HCN1: variants seen among roughly 807,000 people sequenced by gnomAD.
HCN1 encodes hyperpolarization activated cyclic nucleotide gated potassium channel 1, also known as potassium/sodium hyperpolarization-activated cyclic nucleotide-gated channel 1.
Under a neutral mutation model 78.9 loss-of-function variants are expected in HCN1, and 13 were observed. That is an observed-to-expected ratio of 0.16 (90% CI 0.11 to 0.26). The LOEUF (loss-of-function observed/expected upper bound fraction) is 0.26. Ranked by LOEUF, HCN1 falls within the 10% of genes least tolerant of loss-of-function variation. The pLI is 1.00. For missense variants in HCN1, 810 were observed against 1,154.3 expected, an observed-to-expected ratio of 0.70 and a Z score of 4.32; for synonymous variants, 552 against 455.5, an observed-to-expected ratio of 1.21 and a Z score of -2.70.
chr5:45,469,677 G>A (rs905539399), intron 2 of HCN1, among the ~76,000 whole-genome samples: 2 of 151,738 alleles, frequency 1.3e-5, no homozygotes, highest in Non-Finnish European at 2.9e-5. Context: ...AATTTATCCT[G>A]AGAATTCAAA....
intron 1 of HCN1, among the ~76,000 whole-genome samples, chr5:45,676,541 G>T (rs923173849): frequency 4.6e-5 from 7 of 151,710 alleles, no homozygotes; most frequent in Admixed American, 4.0e-4. Context: ...AGGCCATTCA[G>T]ATAAATGATA....
At chr5:45,678,972 G>C (rs1329641116) in intron 1 of HCN1, among the ~76,000 whole-genome samples, 1 of 151,842 alleles carries the variant, frequency 6.6e-6, no homozygotes, top group Non-Finnish European at 1.5e-5. Context: ...GACTAAAAAG[G>C]CACCATTTCC....
At position 45,293,587 on chromosome 5, in the gene HCN1, C is replaced by A. The variant is rs551022065; in HGVS notation, c.1618+10012G>T. Among the ~76,000 whole-genome samples the A allele has an allele frequency of 2.0e-5, 3 of 152,104 alleles. No homozygotes were observed. The South Asian group carries it at 6.2e-4, about 32-fold the overall frequency. On this transcript the variant is annotated intron_variant, in intron 6 of 7. Coordinates refer to ENST00000303230, the MANE Select transcript of HCN1 (RefSeq NM_021072.4). ...GGAGGACCCAGGATTGTAATATGAA[C>A]TTTTTAGGTTTCTCCTTCTTCCCCT...
chr5:45,543,445 AG>A (rs1743144042), intron 2 of HCN1, among the ~76,000 whole-genome samples: 1 of 152,094 alleles, frequency 6.6e-6, no homozygotes, highest in Admixed American at 6.6e-5. Context: ...TTCTGTTACA[AG>A]ATTTTATCTT....
In HCN1 at chr5:45,275,361, T is replaced by C. The variant is rs116655425; in HGVS notation, c.1619-8108A>G. Among the ~76,000 whole-genome samples the C allele has an allele frequency of 5.3e-3, 809 of 152,234 alleles. 3 individuals are homozygous for C. Among genetic ancestry groups the C allele is most frequent in the African/African-American group, 0.018 (767 of 41,546 alleles). On this transcript the variant is annotated intron_variant, in intron 6 of 7. Coordinates refer to ENST00000303230, the MANE Select transcript of HCN1 (RefSeq NM_021072.4). ...TCACATTTGAATACAATATACCAAA[T>C]AGGCAAATCTTTTTGTGAAGCTTTG...
rs1372912309 is a variant in HCN1 at position 45,254,969 on chromosome 5, T to G, written c.*6952A>C. 6.6e-6 allele frequency: 1 copy of G among 152,276 alleles called. No individual in the cohort carries two copies. The allele number at this position is 152,276 out of a possible 1,614,324, so 9.4% of individuals were successfully genotyped here. ...AAAATATTGACCACATTCATTTATT[T>G]TTATAATGTCAATGTATTATTGATA... On this transcript the variant is annotated 3_prime_UTR_variant, in exon 8 of 8. Coordinates refer to ENST00000303230, the MANE Select transcript of HCN1 (RefSeq NM_021072.4).
intron 3 of HCN1, among the ~76,000 whole-genome samples, chr5:45,398,348 C>T (rs1483813967): frequency 6.6e-6 from 1 of 152,038 alleles, no homozygotes; most frequent in Non-Finnish European, 1.5e-5. Context: ...ATGCTGCAAA[C>T]TATAGAATAG....
At chr5:45,675,548 C>A (rs1320611944) in intron 1 of HCN1, among the ~76,000 whole-genome samples, 2 of 151,884 alleles carry the variant, frequency 1.3e-5, no homozygotes, top group Non-Finnish European at 2.9e-5. Flanking sequence ...CCAAAGATAG[C>A]AAGACAAATT....
intron 2 of HCN1, among the ~76,000 whole-genome samples, chr5:45,579,778 AAG>A (rs755296061): frequency 6.6e-6 from 1 of 152,122 alleles, no homozygotes; most frequent in Non-Finnish European, 1.5e-5. Context: ...TCTATATAAA[AAG>A]AGAGAAAAAG....
At chr5:45,627,405 T>A (rs1450003707) in intron 2 of HCN1, among the ~76,000 whole-genome samples, 1 of 152,150 alleles carries the variant, frequency 6.6e-6, no homozygotes, top group Non-Finnish European at 1.5e-5. Context: ...TTCTCCCTCA[T>A]CCTCATTATG....
rs1173788110 is a variant in HCN1, at chr5:45,262,593, C to A, written c.2001G>T (p.Val667=). The part of the protein sequence containing the change: ...TSRMRTQSPP[V]YTATSLSHSN... ...TGTGAGACAGGCTGGTCGCTGTGTA[C>A]ACCGGTGGAGATTGTGTCCTCATGC... The change falls in exon 8 of 8, where the codon GTG becomes GTT. Residue 667 remains valine, a synonymous_variant. Coordinates refer to ENST00000303230, the MANE Select transcript of HCN1 (RefSeq NM_021072.4). The A allele has an allele frequency of 6.2e-7, 1 of 1,613,804 alleles. No individual in the cohort carries two copies. Among genetic ancestry groups the A allele is most frequent in the African/African-American group, 1.3e-5 (1 of 74,840 alleles).
chr5:45,265,071 T>TC (rs1327375031), intron 7 of HCN1, among the ~76,000 whole-genome samples: 2 of 151,848 alleles, frequency 1.3e-5, no homozygotes, highest in Non-Finnish European at 2.9e-5. Context: ...ACACCTGCAG[T>TC]CCCAGCTACT....
chr5:45,372,181 A>T (rs368156883), intron 4 of HCN1, among the ~76,000 whole-genome samples: 15,669 of 67,672 alleles, frequency 0.23, 2,718 homozygotes, highest in African/African-American at 0.51. Flanking sequence ...TTATATTATA[A>T]TATAATACAA....
At chr5:45,676,760 A>C (rs921701193) in intron 1 of HCN1, among the ~76,000 whole-genome samples, 3 of 151,860 alleles carry the variant, frequency 2.0e-5, no homozygotes, top group East Asian at 3.9e-4. Context: ...GGGAAATCTT[A>C]ACCTTGAATG....
intron 5 of HCN1, among the ~76,000 whole-genome samples, chr5:45,346,801 G>A (rs996102891): frequency 6.6e-6 from 1 of 152,200 alleles, no homozygotes; most frequent in Non-Finnish European, 1.5e-5. Context: ...AGGCAGCAGC[G>A]AGGCTGCGGG....
At chr5:45,288,375 AT>A (rs1745308370) in intron 6 of HCN1, among the ~76,000 whole-genome samples, 1 of 152,026 alleles carries the variant, frequency 6.6e-6, no homozygotes, top group Admixed American at 6.6e-5. Context: ...GCAAGAAGAC[AT>A]TTTGGATGTT....
rs1268173412 is a variant in HCN1, at chr5:45,373,277, T to A, written c.1231-20031A>T. Among the ~76,000 whole-genome samples, 597 of 114,404 alleles carry A rather than the reference T, an allele frequency of 5.2e-3. 7 individuals are homozygous for A. The highest frequency in any genetic ancestry group is 0.02 in the African/African-American group (551 of 27,604). The allele number at this position is 114,404 out of a possible 152,430, so 75.1% of individuals were successfully genotyped here. A position where few individuals can be genotyped will look rare whatever the true frequency, so the allele number is the denominator to read the frequency against. ...TTTTATATTATATATTATATATATTTTATATTATATATTATATATATTTTA... is the reference window on the plus strand; with the variant it reads ...TTTTATATTATATATTATATATATTATATATTATATATTATATATATTTTA... On this transcript the variant is annotated intron_variant, in intron 4 of 7. Transcript: ENST00000303230.
chr5:45,639,760 G>T (rs1745419155), intron 2 of HCN1, among the ~76,000 whole-genome samples: 1 of 152,104 alleles, frequency 6.6e-6, no homozygotes, highest in South Asian at 2.1e-4. Flanking sequence ...ACAAAAAAAT[G>T]CGAGGAAGTG....
At chr5:45,499,967 C>T (rs1742154800) in intron 2 of HCN1, among the ~76,000 whole-genome samples, 1 of 152,198 alleles carries the variant, frequency 6.6e-6, no homozygotes, top group Admixed American at 6.5e-5. Context: ...ACACAGTCTG[C>T]ATTGTCATTT....
Sources: gnomAD v4.1 joint callset for allele counts (sites outside exome capture counted in the v4.1 genomes callset) on GRCh38, gnomAD v4.1.1 for gene constraint, MANE v1.5 for transcripts, NCBI Gene and HGNC (gene_info 2026-07-23, HGNC 2026-07-21) for gene names.